CDYL2: variants seen among roughly 807,000 people sequenced by gnomAD.
CDYL2 encodes chromodomain Y like 2.
In CDYL2, 23 loss-of-function variants were observed where a neutral mutation model predicts 49.4. The observed-to-expected ratio is 0.47, with a 90% CI of 0.34 to 0.66. The LOEUF (loss-of-function observed/expected upper bound fraction) is 0.66. Among genes scored for constraint, CDYL2 ranks in the 30% least tolerant of loss-of-function variants. The pLI is 0.01. For missense variants in CDYL2, 678 were observed against 656.4 expected (o/e 1.03, Z -0.36); for synonymous variants, 360 against 268.8 (o/e 1.34, Z -3.32).
intron 1 of CDYL2, among the ~76,000 whole-genome samples, chr16:80,701,406 CT>C (rs2142500633): frequency 6.6e-6 from 1 of 152,108 alleles, no homozygotes; most frequent in East Asian, 1.9e-4. Flanking sequence ...TTCTGTAAAG[CT>C]TTTTTTCAAT....
chr16:80,599,844 T>C lies in CDYL2; in HGVS notation c.*4544A>G, dbSNP rs912232219. 6.6e-6 allele frequency: 1 copy of C among 152,200 alleles called. No individual in the cohort carries two copies. The highest frequency in any genetic ancestry group is 1.5e-5 in the Non-Finnish European group (1 of 68,044). The allele number at this position is 152,200 out of a possible 1,614,324, so 9.4% of individuals were successfully genotyped here. A position where few individuals can be genotyped will look rare whatever the true frequency, so the allele number is the denominator to read the frequency against. On this transcript the variant is annotated 3_prime_UTR_variant, in exon 7 of 7. Transcript: ENST00000570137. ...TATGAAGGTGTCTCTGGAAAACCTA[T>C]CCTTGGTCTATTCTTATGGCCAAAG...
intron 1 of CDYL2, among the ~76,000 whole-genome samples, chr16:80,704,318 G>C (rs183393129): frequency 3.3e-5 from 5 of 152,212 alleles, no homozygotes; most frequent in Non-Finnish European, 5.9e-5. Context: ...GGCAGCCACA[G>C]CTATTCTCTC....
chr16:80,753,177 C>T lies in CDYL2; in HGVS notation c.24+50973G>A, dbSNP rs554880289. 8.5e-4 allele frequency among the ~76,000 whole-genome samples: 129 copies of T among 151,062 alleles called. 1 individual carries two copies. Among genetic ancestry groups the T allele is most frequent in the African/African-American group, 3.1e-3 (126 of 41,066 alleles). On this transcript the variant is annotated intron_variant, in intron 1 of 6. Coordinates refer to ENST00000570137, the MANE Select transcript of CDYL2 (RefSeq NM_152342.4). ...ACCAAGTCAAAGAAACAGAAACACA[C>T]ATAAATGGTCAATAATTTATTAGAA...
intron 1 of CDYL2, among the ~76,000 whole-genome samples, chr16:80,798,998 G>C (rs1446388420): frequency 6.6e-6 from 1 of 151,760 alleles, no homozygotes; most frequent in Non-Finnish European, 1.5e-5. Flanking sequence ...TTGAGAAAAT[G>C]CTTACCTACA....
intron 2 of CDYL2, among the ~76,000 whole-genome samples, chr16:80,645,706 T>C (rs944287516): frequency 1.3e-5 from 2 of 151,954 alleles, no homozygotes; most frequent in African/African-American, 4.8e-5. Context: ...TGTGGCACCA[T>C]TCACAATAGC....
chr16:80,748,370 T>A (rs902800710), intron 1 of CDYL2, among the ~76,000 whole-genome samples: 1 of 148,610 alleles, frequency 6.7e-6, no homozygotes, highest in Non-Finnish European at 1.5e-5. Context: ...ACTAAAAATA[T>A]AAAAATATTA....
intron 1 of CDYL2, among the ~76,000 whole-genome samples, chr16:80,757,577 C>T (rs754009956): frequency 6.7e-6 from 1 of 149,716 alleles, no homozygotes; most frequent in African/African-American, 2.4e-5. Flanking sequence ...TACACACACA[C>T]ATATATTTTG....
intron 2 of CDYL2, among the ~76,000 whole-genome samples, chr16:80,660,910 A>G (rs1257691616): frequency 6.6e-6 from 1 of 152,184 alleles, no homozygotes; most frequent in Non-Finnish European, 1.5e-5. Flanking sequence ...AAGGAAAGAT[A>G]GAAACTTGTC....
At chr16:80,616,805 G>A (rs965504364) in intron 4 of CDYL2, among the ~76,000 whole-genome samples, 5 of 152,230 alleles carry the variant, frequency 3.3e-5, no homozygotes, top group African/African-American at 1.2e-4. Flanking sequence ...AATAGCCCGA[G>A]TGTTTCACAC....
chr16:80,693,647 C>G (rs1910504069), intron 1 of CDYL2, among the ~76,000 whole-genome samples: 1 of 152,158 alleles, frequency 6.6e-6, no homozygotes, highest in Admixed American at 6.5e-5. Flanking sequence ...ATAAATGAAT[C>G]TTACATTCAG....
At chr16:80,780,941 C>T (rs1446941448) in intron 1 of CDYL2, among the ~76,000 whole-genome samples, 1 of 152,096 alleles carries the variant, frequency 6.6e-6, no homozygotes, top group Non-Finnish European at 1.5e-5. Flanking sequence ...AAAAATGGCT[C>T]AATCTCAGTA....
intron 1 of CDYL2, among the ~76,000 whole-genome samples, chr16:80,763,567 G>A (rs1227753537): frequency 6.6e-6 from 1 of 152,106 alleles, no homozygotes; most frequent in East Asian, 2.0e-4. Context: ...AACCAAGATC[G>A]TGCCACTGCA....
intron 1 of CDYL2, among the ~76,000 whole-genome samples, chr16:80,737,939 T>C (rs1038808343): frequency 1.3e-5 from 2 of 152,174 alleles, no homozygotes; most frequent in Non-Finnish European, 2.9e-5. Flanking sequence ...TACATAGGTA[T>C]ACATGTGCCA....
At chr16:80,692,015 G>C (rs1040416394) in intron 1 of CDYL2, among the ~76,000 whole-genome samples, 2 of 152,084 alleles carry the variant, frequency 1.3e-5, no homozygotes, top group African/African-American at 4.8e-5. Context: ...AAAGGACACA[G>C]AAATTTTAAA....
chr16:80,760,345 G>C (rs1466972834), intron 1 of CDYL2, among the ~76,000 whole-genome samples: 1 of 152,176 alleles, frequency 6.6e-6, no homozygotes, highest in Admixed American at 6.5e-5. Flanking sequence ...AAGGGTAGTG[G>C]GGGGTTGGAG....
At chr16:80,804,683 C>A (rs1365663962), upstream of CDYL2, among the ~76,000 whole-genome samples, 1 of 146,970 alleles carries the variant, frequency 6.8e-6, no homozygotes, top group Admixed American at 6.7e-5. Context: ...CCCGGGGGAC[C>A]GGTCCCAGAG....
intron 1 of CDYL2, among the ~76,000 whole-genome samples, chr16:80,774,045 T>A (rs375825724): frequency 1.3e-5 from 2 of 152,140 alleles, no homozygotes; most frequent in Non-Finnish European, 2.9e-5. Flanking sequence ...GACTTGATAA[T>A]GAAACAGGTA....
At chr16:80,671,099 TTTTC>T (rs1909484613) in intron 2 of CDYL2, among the ~76,000 whole-genome samples, 2 of 152,126 alleles carry the variant, frequency 1.3e-5, no homozygotes, top group Non-Finnish European at 2.9e-5. Context: ...ACCAAATCTC[TTTTC>T]TTTGATGTTT....
At chr16:80,650,845 G>C (rs968935047) in intron 2 of CDYL2, among the ~76,000 whole-genome samples, 8 of 151,982 alleles carry the variant, frequency 5.3e-5, no homozygotes, top group Non-Finnish European at 1.0e-4. Context: ...AGGTCATTCT[G>C]CTGAGTGAAA....
Sources: allele counts gnomAD v4.1 joint callset (sites outside exome capture counted in the v4.1 genomes callset), GRCh38; gene constraint gnomAD v4.1.1; transcripts MANE v1.5; gene names NCBI Gene and HGNC (gene_info 2026-07-23, HGNC 2026-07-21).